The following MAPRE3 variants were observed in gnomAD, a reference collection of about 807,000 sequenced individuals.
MAPRE3 encodes the protein microtubule-associated protein RP/EB family member 3.
Under a neutral mutation model 30.5 loss-of-function variants are expected in MAPRE3, and 2 were observed. That is an observed-to-expected ratio of 0.07 (90% CI 0.03 to 0.21). The LOEUF (loss-of-function observed/expected upper bound fraction) is 0.21. MAPRE3 is among the 10% of genes least tolerant of loss of function. The pLI, the probability that MAPRE3 is intolerant of heterozygous loss-of-function variation, is 1.00. For synonymous variants in MAPRE3, 110 were observed against 127.7 expected, an observed-to-expected ratio of 0.86 and a Z score of 0.93; for missense variants, 204 against 351.8, an observed-to-expected ratio of 0.58 and a Z score of 3.36.
At chr2:27,009,709 T>C (rs1666806350) in intron 1 of MAPRE3, 1 of 152,200 alleles carries the variant, frequency 6.6e-6, no homozygotes, top group Admixed American at 6.5e-5. Context: ...CCAGCATGAC[T>C]CTGGGATGAG....
At chr2:26,991,794 T>G (rs1666349927) in intron 1 of MAPRE3, among the ~76,000 whole-genome samples, 1 of 152,200 alleles carries the variant, frequency 6.6e-6, no homozygotes, top group Non-Finnish European at 1.5e-5. Flanking sequence ...ATTCTCAGAC[T>G]CCAAATTGGG....
chr2:26,991,810 T>C (rs1186261058), intron 1 of MAPRE3, among the ~76,000 whole-genome samples: 2 of 152,218 alleles, frequency 1.3e-5, no homozygotes, highest in South Asian at 2.1e-4. Context: ...TTGGGCCAGA[T>C]GTAAATGGGT....
At chr2:27,011,845 CA>C (rs377088615) in intron 1 of MAPRE3, 318 of 69,556 alleles carry the variant, frequency 4.6e-3, no homozygotes, top group African/African-American at 0.018. Flanking sequence ...GACTCCATCT[CA>C]AAAAAAAAAA....
chr2:26,975,855 C>G (rs1312532892), intron 1 of MAPRE3, among the ~76,000 whole-genome samples: 2 of 152,150 alleles, frequency 1.3e-5, no homozygotes, highest in Admixed American at 6.5e-5. Context: ...CCAAATCAAG[C>G]TCTTAAGTGA....
chr2:27,014,717 TCCCCAGCC>T (rs1666943079), intron 1 of MAPRE3: 1 of 152,270 alleles, frequency 6.6e-6, no homozygotes, highest in Admixed American at 6.5e-5. Context: ...GCTGGCTTGC[TCCCCAGCC>T]CCTCAGAACC....
intron 1 of MAPRE3, among the ~76,000 whole-genome samples, chr2:27,018,338 G>A (rs919981532): frequency 5.3e-5 from 8 of 152,064 alleles, no homozygotes; most frequent in African/African-American, 1.4e-4. Context: ...GACAGTTCCC[G>A]GAATAGCTGG....
intron 1 of MAPRE3, among the ~76,000 whole-genome samples, chr2:27,018,637 T>G (rs768460886): frequency 6.6e-6 from 1 of 152,144 alleles, no homozygotes; most frequent in Non-Finnish European, 1.5e-5. Flanking sequence ...CAAAATCAGA[T>G]GCCCTTTCCT....
chr2:26,991,002 C>T (rs1372214072), intron 1 of MAPRE3, among the ~76,000 whole-genome samples: 1 of 152,184 alleles, frequency 6.6e-6, no homozygotes, highest in Non-Finnish European at 1.5e-5. Context: ...GCCTGTAATC[C>T]CAGCACTTTG....
chr2:26,979,442 C>T (rs978317586), intron 1 of MAPRE3, among the ~76,000 whole-genome samples: 2 of 152,062 alleles, frequency 1.3e-5, no homozygotes, highest in African/African-American at 2.4e-5. Flanking sequence ...TTAAATTAGC[C>T]GGGCATGGTG....
At chr2:27,024,606 A>G (rs537668293) in intron 4 of MAPRE3, among the ~76,000 whole-genome samples, 15 of 152,320 alleles carry the variant, frequency 9.8e-5, no homozygotes, top group Non-Finnish European at 1.9e-4. Context: ...TGGGGCAGCA[A>G]GGTGGCTTGG....
intron 1 of MAPRE3, among the ~76,000 whole-genome samples, chr2:26,974,855 T>C (rs1665986449): frequency 6.6e-6 from 1 of 152,272 alleles, no homozygotes; most frequent in Admixed American, 6.5e-5. Flanking sequence ...GATTATTTTA[T>C]ATTGACTAAA....
At chr2:26,983,188 C>T (rs970529561) in intron 1 of MAPRE3, among the ~76,000 whole-genome samples, 1 of 152,216 alleles carries the variant, frequency 6.6e-6, no homozygotes, top group African/African-American at 2.4e-5. Context: ...TCTGTGCTTG[C>T]ATAAATTAAA....
intron 1 of MAPRE3, among the ~76,000 whole-genome samples, chr2:26,974,958 T>C (rs1165029322): frequency 1.3e-5 from 2 of 152,194 alleles, no homozygotes; most frequent in Admixed American, 6.5e-5. Flanking sequence ...TCAGCACCCC[T>C]CTCGGTATTT....
intron 1 of MAPRE3, among the ~76,000 whole-genome samples, chr2:27,006,063 T>C (rs1271235267): frequency 6.6e-6 from 1 of 152,000 alleles, no homozygotes; most frequent in East Asian, 1.9e-4. Context: ...GCGCCTGTAG[T>C]CCCAGCTACT....
intron 4 of MAPRE3, among the ~76,000 whole-genome samples, chr2:27,025,173 C>CT (rs969641112): frequency 6.6e-6 from 1 of 152,202 alleles, no homozygotes; most frequent in Non-Finnish European, 1.5e-5. Context: ...GGGACAATGG[C>CT]TTTGGGCTGG....
chr2:27,018,515 T>A (rs1667036619), intron 1 of MAPRE3, among the ~76,000 whole-genome samples: 1 of 152,216 alleles, frequency 6.6e-6, no homozygotes, highest in Non-Finnish European at 1.5e-5. Flanking sequence ...TTGGGGCATT[T>A]GGTTATACTG....
chr2:26,997,370 T>C (rs1666486206), intron 1 of MAPRE3, among the ~76,000 whole-genome samples: 2 of 152,304 alleles, frequency 1.3e-5, no homozygotes, highest in South Asian at 4.1e-4. Context: ...GATTTTTTTT[T>C]TTAGCTCATG....
At chr2:26,980,743 T>C (rs1666097640) in intron 1 of MAPRE3, among the ~76,000 whole-genome samples, 1 of 152,244 alleles carries the variant, frequency 6.6e-6, no homozygotes, top group African/African-American at 2.4e-5. Context: ...TACAACGTTC[T>C]TCATGGTGAT....
rs1667262676 is a variant in MAPRE3, at chr2:27,027,129, C to G, written c.*781C>G. On this transcript the variant is annotated 3_prime_UTR_variant, in exon 7 of 7. Coordinates refer to ENST00000233121, the MANE Select transcript of MAPRE3 (RefSeq NM_012326.4). ...TGCTTCCCACCTGCCCTCCCCACCC[C>G]CTGCCCCTCGGGCACCAGCCTGCAT... The G allele has an allele frequency of 6.6e-6, 1 of 152,538 alleles. No individual in the cohort carries two copies. Among genetic ancestry groups the G allele is most frequent in the African/African-American group, 2.4e-5 (1 of 41,456 alleles). 9.4% of individuals were successfully genotyped at this position (152,538 alleles called of 1,614,324 possible). A position where few individuals can be genotyped will look rare whatever the true frequency, so the allele number is the denominator to read the frequency against.
Sources: allele counts gnomAD v4.1 joint callset (sites outside exome capture counted in the v4.1 genomes callset), GRCh38; gene constraint gnomAD v4.1.1; transcripts MANE v1.5; gene names NCBI Gene and HGNC (gene_info 2026-07-23, HGNC 2026-07-21).